The following FCHO2 variants were observed in gnomAD, a reference collection of about 807,000 sequenced individuals.
The protein encoded by FCHO2 is FCH and mu domain containing endocytic adaptor 2.
Under a neutral mutation model 114.1 loss-of-function variants are expected in FCHO2, and 43 were observed. That is an observed-to-expected ratio of 0.38 (90% CI 0.30 to 0.49). The LOEUF is 0.49. Among genes scored for constraint, FCHO2 ranks in the 20% least tolerant of loss-of-function variants. The probability of loss-of-function intolerance (pLI) is 0.97; values close to 1 mark genes in which losing one functional copy is unlikely to be tolerated. For synonymous variants in FCHO2, 293 were observed against 315.2 expected (o/e 0.93, Z 0.75); for missense variants, 807 against 950.4 (o/e 0.85, Z 1.98).
intron 3 of FCHO2, among the ~76,000 whole-genome samples, chr5:72,990,258 C>T (rs1753749352): frequency 6.6e-6 from 1 of 151,916 alleles, no homozygotes; most frequent in African/African-American, 2.4e-5. Context: ...ATGTAATTAA[C>T]CCATTTCTAT....
At chr5:73,074,129 C>G (rs1191244974) in intron 19 of FCHO2, among the ~76,000 whole-genome samples, 1 of 150,450 alleles carries the variant, frequency 6.6e-6, no homozygotes, top group African/African-American at 2.4e-5. Flanking sequence ...AGACACTGAT[C>G]TTTCTCTGAT....
At chr5:73,012,086 A>G (rs942284245) in intron 6 of FCHO2, among the ~76,000 whole-genome samples, 1 of 152,190 alleles carries the variant, frequency 6.6e-6, no homozygotes, top group Non-Finnish European at 1.5e-5. Flanking sequence ...TTTATTATCA[A>G]GTATTATGTG....
intron 1 of FCHO2, among the ~76,000 whole-genome samples, chr5:72,967,809 G>A (rs1480061972): frequency 1.3e-5 from 2 of 151,236 alleles, no homozygotes; most frequent in African/African-American, 4.9e-5. Context: ...TAGCTGAGAT[G>A]GGGTTTCACC....
intron 5 of FCHO2, among the ~76,000 whole-genome samples, chr5:73,002,938 T>C (rs1206796021): frequency 6.6e-6 from 1 of 152,200 alleles, no homozygotes; most frequent in African/African-American, 2.4e-5. Context: ...TCAAAAGAAA[T>C]TGCTATTAAA....
chr5:73,077,577 C>A, intron 21 of FCHO2, 84 bp downstream of exon 21: 1 of 1,401,644 alleles, frequency 7.1e-7, no homozygotes, highest in South Asian at 1.6e-5. Context: ...CGCCTGTAAT[C>A]CCAGCAGTTT....
rs536749189 is a variant in FCHO2 at position 73,079,175 on chromosome 5, C to T, written c.1980+863C>T. The stretch of plus-strand genomic sequence containing the variant: ...AGTAGAGTAGCATGATCACATTTCA[C>T]TGCAGCCTCAAACTCCTGGGCTCAA... On this transcript the variant is annotated intron_variant, in intron 22 of 25. Transcript: ENST00000430046. 4.6e-5 allele frequency among the ~76,000 whole-genome samples: 7 copies of T among 152,290 alleles called. No individual in the cohort carries two copies. The East Asian group carries it at 1.4e-3, about 29-fold the overall frequency.
chr5:73,061,484 C>G (rs1397878157), intron 17 of FCHO2, among the ~76,000 whole-genome samples: 3 of 151,910 alleles, frequency 2.0e-5, no homozygotes, highest in Non-Finnish European at 4.4e-5. Context: ...TTCATCTGAA[C>G]TTGTAGAGCA....
intron 18 of FCHO2, among the ~76,000 whole-genome samples, chr5:73,066,061 G>A (rs934613372): frequency 2.0e-5 from 3 of 151,920 alleles, no homozygotes; most frequent in African/African-American, 7.2e-5. Context: ...GTTGCTGAAT[G>A]AATTATTCTT....
At chr5:73,086,561 A>G (rs965480553) in intron 24 of FCHO2, among the ~76,000 whole-genome samples, 2 of 152,160 alleles carry the variant, frequency 1.3e-5, no homozygotes, top group African/African-American at 4.8e-5. Context: ...ATATCTTTCA[A>G]ATAACTTTCT....
At position 72,956,468 on chromosome 5, in the gene FCHO2, C is replaced by T. The variant is rs1403094317; in HGVS notation, c.33+339C>T. ...TGCCGCGCTCCGCGCGGGGCGTGCGCGGCAGCTCGGACGCGAAGGACGGGC... is the reference window on the plus strand; with the variant it reads ...TGCCGCGCTCCGCGCGGGGCGTGCGTGGCAGCTCGGACGCGAAGGACGGGC... On this transcript the variant is annotated intron_variant, in intron 1 of 25. Transcript: ENST00000430046. 2.0e-5 allele frequency among the ~76,000 whole-genome samples: 3 copies of T among 151,728 alleles called. No homozygotes were observed. In the East Asian group the frequency reaches 5.9e-4, roughly 30 times the overall value.
At chr5:73,051,167 G>A (rs1757319668) in intron 11 of FCHO2, 182 bp from the exon 12 acceptor site, 1 of 463,112 alleles carries the variant, frequency 2.2e-6, no homozygotes, top group Non-Finnish European at 3.8e-6. Context: ...AGAGCATGGA[G>A]TGTGATTTGA....
intron 8 of FCHO2, among the ~76,000 whole-genome samples, chr5:73,022,787 A>G (rs1434616665): frequency 6.6e-6 from 1 of 152,248 alleles, no homozygotes; most frequent in Non-Finnish European, 1.5e-5. Context: ...TTCAAGGTCC[A>G]CATGGATTTC....
chr5:72,992,216 GA>G (rs900500326), intron 5 of FCHO2, among the ~76,000 whole-genome samples: 1 of 151,942 alleles, frequency 6.6e-6, no homozygotes. Flanking sequence ...TGTCACAGAT[GA>G]AAAAAATGAA....
chr5:73,039,954 AAAGAAG>A (rs201720281), intron 10 of FCHO2, among the ~76,000 whole-genome samples: 8 of 147,932 alleles, frequency 5.4e-5, no homozygotes, highest in Non-Finnish European at 1.2e-4. Context: ...AAAAAAAAAA[AAAGAAG>A]AAGAAAGAAA....
At chr5:72,971,855 T>C (rs1439410771) in intron 2 of FCHO2, among the ~76,000 whole-genome samples, 1 of 152,218 alleles carries the variant, frequency 6.6e-6, no homozygotes, top group Non-Finnish European at 1.5e-5. Flanking sequence ...AAGTCTTTAA[T>C]CCATCGTGAA....
rs767744032 is a variant in FCHO2 at position 73,081,747 on chromosome 5, G to A, written c.1981-36G>A. The A allele has an allele frequency of 6.4e-6, 9 of 1,414,042 alleles. No homozygotes were observed. In the South Asian group the frequency reaches 1.4e-4, roughly 22 times the overall value. 87.6% of individuals were successfully genotyped at this position (1,414,042 alleles called of 1,614,324 possible). On this transcript the variant is annotated intron_variant, in intron 22 of 25. Coordinates refer to ENST00000430046, the MANE Select transcript of FCHO2 (RefSeq NM_138782.3). ...ATTAACATGACTTCTTAACTTTTCA[G>A]GCCAAAAACAATTGTTTGTTCTTTT...
At chr5:72,956,276 CG>C (rs1020654707) in intron 1 of FCHO2, 147 bp downstream of exon 1, 1 of 1,100,380 alleles carries the variant, frequency 9.1e-7, no homozygotes, top group African/African-American at 1.7e-5. Context: ...TGAGGTCCGG[CG>C]GGCGACCGGT....
intron 8 of FCHO2, among the ~76,000 whole-genome samples, chr5:73,030,869 AAC>A (rs1756202155): frequency 6.6e-6 from 1 of 152,212 alleles, no homozygotes. Flanking sequence ...CCTTTTTTAA[AAC>A]ACATACTCCT....
Position 73,074,785 on chromosome 5 carries a change from T to C in FCHO2, c.1623T>C (p.Asp541=), listed in dbSNP as rs781022122. 2 of 1,613,066 alleles carry C rather than the reference T, an allele frequency of 1.2e-6. No individual in the cohort carries two copies. Among genetic ancestry groups the C allele is most frequent in the South Asian group, 1.1e-5 (1 of 90,982 alleles). Residue 541 remains aspartate (D), a synonymous_variant, in exon 20 of 26, where the codon GAT becomes GAC. Transcript: ENST00000430046. ...GPSPVSLGNQ[D]TLPVAVALTE... ...GCCCTGTCAGCCTTGGAAATCAGGATACCTTACCTGTGGCAGTTGCCCTTA... is the reference window on the plus strand; with the variant it reads ...GCCCTGTCAGCCTTGGAAATCAGGACACCTTACCTGTGGCAGTTGCCCTTA...
Sources: gnomAD v4.1 joint callset for allele counts (sites outside exome capture counted in the v4.1 genomes callset) on GRCh38, gnomAD v4.1.1 for gene constraint, MANE v1.5 for transcripts, NCBI Gene and HGNC (gene_info 2026-07-23, HGNC 2026-07-21) for gene names.